The following MGA variants were observed in gnomAD, a reference collection of about 807,000 sequenced individuals.
The protein encoded by MGA is MAX dimerization protein MGA.
A neutral mutation model predicts 261.1 loss-of-function variants in MGA; 40 were observed. That is an observed-to-expected ratio of 0.15 (90% CI 0.12 to 0.20). MGA has a LOEUF of 0.20. Ranked by LOEUF, MGA falls within the 10% of genes least tolerant of loss-of-function variation. MGA has a pLI of 1.00. For synonymous variants in MGA, 1,302 were observed against 1,290.6 expected (o/e 1.01, Z -0.19); for missense variants, 3,397 against 3,630.5 (o/e 0.94, Z 1.65).
intron 18 of MGA, among the ~76,000 whole-genome samples, chr15:41,756,793 T>C (rs888062682): frequency 6.6e-6 from 1 of 152,196 alleles, no homozygotes; most frequent in Non-Finnish European, 1.5e-5. Context: ...GGAGTCTTGC[T>C]ATGTTGGCCA....
intron 5 of MGA, among the ~76,000 whole-genome samples, chr15:41,704,333 TAA>T (rs534869856): frequency 1.4e-5 from 2 of 144,322 alleles, no homozygotes. Context: ...TGCCCTGCAG[TAA>T]AAAAAAAAAA....
At chr15:41,735,420 ATTAGAG>A (rs768531103) in intron 12 of MGA, among the ~76,000 whole-genome samples, 13 of 152,320 alleles carry the variant, frequency 8.5e-5, no homozygotes, top group African/African-American at 2.2e-4. Flanking sequence ...TGCAGTAGAA[ATTAGAG>A]TTAGAGTGCA....
intron 15 of MGA, among the ~76,000 whole-genome samples, chr15:41,744,143 T>G (rs2062288726): frequency 1.3e-5 from 2 of 152,164 alleles, no homozygotes; most frequent in South Asian, 4.1e-4. Context: ...AGTTAGTTTG[T>G]AAGTTAAAGT....
intron 2 of MGA, among the ~76,000 whole-genome samples, chr15:41,682,842 T>G (rs1257825724): frequency 6.6e-6 from 1 of 152,194 alleles, no homozygotes; most frequent in Non-Finnish European, 1.5e-5. Flanking sequence ...GTTGTTTTTG[T>G]TGTTTTGTGA....
Position 41,749,897 on chromosome 15 carries a change from C to T in MGA, c.6290C>T (p.Thr2097Ile). 4 of 1,613,900 alleles carry T rather than the reference C, an allele frequency of 2.5e-6. No individual in the cohort carries two copies. The highest frequency in any genetic ancestry group is 3.4e-6 in the Non-Finnish European group (4 of 1,179,884). The change falls in exon 17 of 24, where the codon ACA becomes ATA. Residue 2097 changes from threonine to isoleucine, a missense_variant. Around this residue, in one of 9 missense-constraint regions of MGA, gnomAD observed 1,410 missense variants for 1,386.4 expected, o/e 1.02. Transcript: ENST00000219905. ...ATTTCTGAAAAAGCCAGTAATAAGA[C>T]AGTCCAAAATTTAAGTAAAGTACAG...
At position 41,754,714 on chromosome 15, in the gene MGA, C is replaced by G. The variant is rs867377969; in HGVS notation, c.7139+147C>G. On this transcript the variant is annotated intron_variant, in intron 18 of 23. Transcript: ENST00000219905. ...TGATTAGTATAGATGAGGAGAGGAACTAGAATTTGGGTAATTAATTTTCTT... is the reference window on the plus strand; with the variant it reads ...TGATTAGTATAGATGAGGAGAGGAAGTAGAATTTGGGTAATTAATTTTCTT... 1.4e-5 allele frequency: 13 copies of G among 916,456 alleles called. No individual in the cohort carries two copies. The South Asian group carries it at 4.0e-4, about 28-fold the overall frequency. The allele number at this position is 916,456 out of a possible 1,614,324, so 56.8% of individuals were successfully genotyped here.
intron 9 of MGA, among the ~76,000 whole-genome samples, chr15:41,722,337 G>A (rs1436405278): frequency 6.6e-6 from 1 of 152,014 alleles, no homozygotes; most frequent in African/African-American, 2.4e-5. Context: ...CACCATGTTA[G>A]CCAAGATGGT....
rs369104140 is a variant in MGA at position 41,705,629 on chromosome 15, A to G, written c.2189-2099A>G. ...CTTCCTCTTTGGCCTCCCAAAGTGC[A>G]GGGATTACAGGTGTGAGCTGAAATG... On this transcript the variant is annotated intron_variant, in intron 5 of 23. Transcript: ENST00000219905. Among the ~76,000 whole-genome samples the G allele has an allele frequency of 3.9e-5, 6 of 152,270 alleles. No individual in the cohort carries two copies. The East Asian group carries it at 5.8e-4, about 15-fold the overall frequency.
Position 41,696,104 on chromosome 15 carries a change from C to G in MGA, c.1094C>G (p.Ser365Cys), listed in dbSNP as rs1443024304. ...ATTGCCAGCAGTTTTGAAGATGACT[C>G]CCGTGTAGCCTCACCGTTAGACCAG... Residue 365 changes from serine to cysteine, a missense_variant, in exon 3 of 24, where the codon TCC becomes TGC. Transcript: ENST00000219905. 1.9e-6 allele frequency: 3 copies of G among 1,611,764 alleles called. No homozygotes were observed. Among genetic ancestry groups the G allele is most frequent in the South Asian group, 2.2e-5 (2 of 90,910 alleles).
chr15:41,705,564 G>A (rs2060063999), intron 5 of MGA, among the ~76,000 whole-genome samples: 1 of 151,922 alleles, frequency 6.6e-6, no homozygotes, highest in South Asian at 2.1e-4. Context: ...GTCTTAACCT[G>A]TTGCCCAGAC....
intron 2 of MGA, among the ~76,000 whole-genome samples, chr15:41,683,491 C>G (rs1013840631): frequency 6.6e-6 from 1 of 151,992 alleles, no homozygotes; most frequent in Non-Finnish European, 1.5e-5. Context: ...CTCAGCCTGC[C>G]AAGAGCTCTT....
At chr15:41,713,071 C>T (rs2060465857) in intron 8 of MGA, 80 bp from the exon 9 acceptor site, 3 of 1,533,902 alleles carry the variant, frequency 2.0e-6, no homozygotes, top group Non-Finnish European at 2.6e-6. Flanking sequence ...GAGAGTAATG[C>T]AGTCCAGTAT....
chr15:41,623,736 A>G (rs114958505), intron 1 of MGA, among the ~76,000 whole-genome samples: 2,110 of 150,120 alleles, frequency 0.014, 64 homozygotes, highest in African/African-American at 0.049. Context: ...TCCAAAAAAA[A>G]AAAAAGAATC....
In MGA at chr15:41,736,535, G is replaced by A. The variant is rs2061786271; in HGVS notation, c.4271G>A (p.Gly1424Glu). Residue 1424 changes from glycine to glutamate, a missense_variant, in exon 13 of 24, where the codon GGG becomes GAG. By Grantham distance (98) the Gly-to-Glu change is moderately conservative (BLOSUM62 -2). Coordinates refer to ENST00000219905, the MANE Select transcript of MGA (RefSeq NM_001164273.2). Reference sequence around the variant, plus strand: ...ACTCCTGATGGTCCATTGTCCCCTGGGAAAATGGAGGATATCTCTCCTGTG... The same window carrying A: ...ACTCCTGATGGTCCATTGTCCCCTGAGAAAATGGAGGATATCTCTCCTGTG... 1.2e-6 allele frequency: 2 copies of A among 1,613,968 alleles called. No homozygotes were observed. Among genetic ancestry groups the A allele is most frequent in the East Asian group, 2.2e-5 (1 of 44,884 alleles).
At position 41,729,360 on chromosome 15, in the gene MGA, T is replaced by A; in HGVS notation, c.3843+11T>A. The A allele has an allele frequency of 6.3e-7, 1 of 1,599,308 alleles. No individual in the cohort carries two copies. The highest frequency in any genetic ancestry group is 8.5e-7 in the Non-Finnish European group (1 of 1,173,664). On this transcript the variant is annotated intron_variant, in intron 11 of 23. Coordinates refer to ENST00000219905, the MANE Select transcript of MGA (RefSeq NM_001164273.2). ...CATAATAATGCAAAGGTGAGTTTCT[T>A]GTTGCATAAGTTCTTTTTAACTTCT...
chr15:41,714,532 C>G (rs531688877), intron 9 of MGA, among the ~76,000 whole-genome samples: 46 of 152,208 alleles, frequency 3.0e-4, no homozygotes, highest in Non-Finnish European at 5.6e-4. Flanking sequence ...TTTCTGTTCT[C>G]TTGCTCTGTT....
Position 41,699,127 on chromosome 15 carries a change from A to T in MGA, c.2156A>T (p.His719Leu). ...ATAGAAGATTTGAAGACTTTGCGGC[A>T]CAAGCAGGTGATACATCCTGGTCTT... Residue 719 changes from histidine (H) to leucine (L), a missense_variant, in exon 5 of 24, where the codon CAC (histidine) becomes CTC (leucine). Around this residue, in one of 9 missense-constraint regions of MGA, gnomAD observed 563 missense variants for 563.6 expected, o/e 1.00. Coordinates refer to ENST00000219905, the MANE Select transcript of MGA (RefSeq NM_001164273.2). The T allele has an allele frequency of 6.2e-7, 1 of 1,611,828 alleles. No individual in the cohort carries two copies. Among genetic ancestry groups the T allele is most frequent in the Non-Finnish European group, 8.5e-7 (1 of 1,178,932 alleles).
intron 1 of MGA, among the ~76,000 whole-genome samples, chr15:41,655,254 C>T (rs1334400353): frequency 4.0e-5 from 6 of 149,264 alleles, no homozygotes; most frequent in African/African-American, 1.5e-4. Context: ...TGTCAGCTAA[C>T]TGCAACCTCC....
chr15:41,715,617 A>G (rs2060593016), intron 9 of MGA, among the ~76,000 whole-genome samples: 1 of 152,146 alleles, frequency 6.6e-6, no homozygotes, highest in Admixed American at 6.5e-5. Flanking sequence ...ACTTATTGAG[A>G]AATATACTTT....
Sources: gnomAD v4.1 joint callset for allele counts (sites outside exome capture counted in the v4.1 genomes callset) on GRCh38, gnomAD v4.1.1 for gene constraint, gnomAD v4.1.1 regional missense constraint, MANE v1.5 for transcripts, NCBI Gene and HGNC (gene_info 2026-07-23, HGNC 2026-07-21) for gene names.